The following MYO10 variants were observed in gnomAD, a reference collection of about 807,000 sequenced individuals.
MYO10 encodes unconventional myosin-X.
Under a neutral mutation model 257.3 loss-of-function variants are expected in MYO10, and 133 were observed. That is an observed-to-expected ratio of 0.52 (90% CI 0.45 to 0.60). The LOEUF (loss-of-function observed/expected upper bound fraction) is 0.60, where lower values mean the gene tolerates loss of function less well. Ranked by LOEUF, MYO10 falls within the 20% of genes least tolerant of loss-of-function variation. The pLI is 0.00. For synonymous variants in MYO10, 1,104 were observed against 1,028.6 expected, an observed-to-expected ratio of 1.07 and a Z score of -1.40; for missense variants, 2,399 against 2,635.7, an observed-to-expected ratio of 0.91 and a Z score of 1.97.
chr5:16,838,072 T>C (rs1469659347), intron 2 of MYO10, among the ~76,000 whole-genome samples: 1 of 152,144 alleles, frequency 6.6e-6, no homozygotes, highest in African/African-American at 2.4e-5. Flanking sequence ...GGGGCCTTCA[T>C]ATCCTCTGAG....
chr5:16,764,532 A>C, intron 11 of MYO10, 136 bp from the exon 12 acceptor site: 65 of 853,106 alleles, frequency 7.6e-5, no homozygotes, highest in Non-Finnish European at 1.1e-4. Context: ...AATCGATCTC[A>C]TCTAGGAAAG....
chr5:16,825,919 C>A (rs1409004385), intron 2 of MYO10, among the ~76,000 whole-genome samples: 2 of 152,032 alleles, frequency 1.3e-5, no homozygotes, highest in Non-Finnish European at 1.5e-5. Flanking sequence ...CCAAGGTGGG[C>A]AGATCAAGGT....
At chr5:16,746,426 T>C (rs2126636091) in intron 19 of MYO10, among the ~76,000 whole-genome samples, 1 of 152,278 alleles carries the variant, frequency 6.6e-6, no homozygotes, top group South Asian at 2.1e-4. Context: ...CCAGCTCCTA[T>C]TCAAGATGGA....
chr5:16,730,753 T>C (rs77515199), intron 19 of MYO10, among the ~76,000 whole-genome samples: 2,910 of 152,252 alleles, frequency 0.019, 75 homozygotes, highest in African/African-American at 0.065. Flanking sequence ...GCTAAATGCC[T>C]AGACAACCTG....
intron 3 of MYO10, among the ~76,000 whole-genome samples, chr5:16,813,452 C>T (rs1742502208): frequency 1.3e-5 from 2 of 151,196 alleles, no homozygotes; most frequent in South Asian, 2.1e-4. Flanking sequence ...TATACTCAGG[C>T]GAGAGGATCA....
intron 19 of MYO10, among the ~76,000 whole-genome samples, chr5:16,724,606 T>C (rs1366697902): frequency 6.6e-6 from 1 of 151,928 alleles, no homozygotes; most frequent in African/African-American, 2.4e-5. Flanking sequence ...CTGGAATGTG[T>C]TTCTATGGGG....
At chr5:16,716,112 A>G (rs1308781215) in intron 19 of MYO10, among the ~76,000 whole-genome samples, 1 of 152,062 alleles carries the variant, frequency 6.6e-6, no homozygotes, top group East Asian at 1.9e-4. Context: ...TAAAATGGAC[A>G]AGAAATGGAT....
At chr5:16,724,327 T>G (rs1244761662) in intron 19 of MYO10, among the ~76,000 whole-genome samples, 1 of 152,072 alleles carries the variant, frequency 6.6e-6, no homozygotes, top group Non-Finnish European at 1.5e-5. Context: ...AACAAAAAAA[T>G]GAATGGCAGA....
At chr5:16,870,226 A>G (rs36126023) in intron 2 of MYO10, among the ~76,000 whole-genome samples, 1 of 148,462 alleles carries the variant, frequency 6.7e-6, no homozygotes, top group East Asian at 2.0e-4. Context: ...CAAGAAAAAA[A>G]CCTTCTAACT....
chr5:16,680,150 CG>C (rs767021826), intron 32 of MYO10, 46 bp from the exon 33 acceptor site: 2 of 1,582,780 alleles, frequency 1.3e-6, no homozygotes, highest in South Asian at 2.3e-5. Context: ...ACGCCAACCT[CG>C]GGGACTGAGG....
chr5:16,681,775 G>T, intron 31 of MYO10, 96 bp downstream of exon 31: 2 of 1,408,266 alleles, frequency 1.4e-6, no homozygotes, highest in Non-Finnish European at 9.6e-7. Flanking sequence ...AAAATGACTG[G>T]GAAAAGCAGC....
chr5:16,763,498 G>A lies in MYO10; in HGVS notation c.1477C>T (p.Leu493=). The A allele has an allele frequency of 6.2e-7, 1 of 1,612,060 alleles. No homozygotes were observed. Among genetic ancestry groups the A allele is most frequent in the Non-Finnish European group, 8.5e-7 (1 of 1,178,342 alleles). Residue 493 remains leucine, a synonymous_variant, in exon 14 of 41, where the codon CTG becomes TTG. Coordinates refer to ENST00000513610, the MANE Select transcript of MYO10 (RefSeq NM_012334.3). Reference sequence around the variant, plus strand: ...TACATTACCTTCTCAATCAAGTCCAGGCATTCTCCATTGTCTATCCAGTCA... The same window carrying A: ...TACATTACCTTCTCAATCAAGTCCAAGCATTCTCCATTGTCTATCCAGTCA... ...DIDWIDNGEC[L]DLIEKKLGLL...
chr5:16,925,415 C>T (rs1284560262), intron 1 of MYO10, among the ~76,000 whole-genome samples: 3 of 152,178 alleles, frequency 2.0e-5, no homozygotes, highest in African/African-American at 7.2e-5. Context: ...TTATGGTACA[C>T]GCATTACGGT....
chr5:16,850,663 G>A (rs1743773315), intron 2 of MYO10, among the ~76,000 whole-genome samples: 1 of 152,046 alleles, frequency 6.6e-6, no homozygotes, highest in African/African-American at 2.4e-5. Flanking sequence ...TGGCAGGAAG[G>A]AGGAGGAGGA....
At chr5:16,719,003 G>C in intron 19 of MYO10, among the ~76,000 whole-genome samples, 1 of 152,176 alleles carries the variant, frequency 6.6e-6, no homozygotes, top group Middle Eastern at 3.2e-3. Flanking sequence ...AATAAAAGCA[G>C]GTTGCCAGCA....
At chr5:16,866,939 C>T (rs1435623909) in intron 2 of MYO10, among the ~76,000 whole-genome samples, 1 of 152,216 alleles carries the variant, frequency 6.6e-6, no homozygotes, top group Non-Finnish European at 1.5e-5. Context: ...CAGGTGGTCC[C>T]CTCCTGCCAG....
intron 1 of MYO10, among the ~76,000 whole-genome samples, chr5:16,884,604 A>T (rs1439892041): frequency 1.3e-5 from 2 of 151,708 alleles, no homozygotes; most frequent in Non-Finnish European, 2.9e-5. Context: ...TGAACTGCAG[A>T]AACGGGTTGT....
intron 1 of MYO10, among the ~76,000 whole-genome samples, chr5:16,885,711 G>A (rs1744879631): frequency 6.6e-6 from 1 of 151,948 alleles, no homozygotes; most frequent in Non-Finnish European, 1.5e-5. Context: ...GTTGGGGGGT[G>A]GTGGCATCAT....
rs914354458 is a variant in MYO10, at chr5:16,744,152, CAGTT to C, written c.1929+10672_1929+10675del. ...ACTTAAGAGAGAAAAGGTCTTAAAA[CAGTT>C]AGATTTTCCTGTGACTCAGCTTAAA... On this transcript the variant is annotated intron_variant, in intron 19 of 40. Transcript: ENST00000513610. 1.4e-4 allele frequency among the ~76,000 whole-genome samples: 21 copies of C among 152,258 alleles called. No individual in the cohort carries two copies. In the East Asian group the frequency reaches 1.5e-3, roughly 11 times the overall value.
Sources: gnomAD v4.1 joint callset for allele counts (sites outside exome capture counted in the v4.1 genomes callset) on GRCh38, gnomAD v4.1.1 for gene constraint, MANE v1.5 for transcripts, NCBI Gene and HGNC (gene_info 2026-07-23, HGNC 2026-07-21) for gene names.